The following KYAT3 variants were observed in gnomAD, a reference collection of about 807,000 sequenced individuals.
KYAT3 encodes the protein kynurenine--oxoglutarate transaminase 3.
KYAT3 carries 50 observed loss-of-function variants against 59.0 expected under a neutral mutation model. The observed-to-expected ratio is 0.85, with a 90% CI of 0.68 to 1.07. The LOEUF (loss-of-function observed/expected upper bound fraction) is 1.07, where lower values mean the gene tolerates loss of function less well. Among genes scored for constraint, KYAT3 ranks in the 50% least tolerant of loss-of-function variants. The probability of loss-of-function intolerance (pLI) is 0.00; values close to 1 mark genes in which losing one functional copy is unlikely to be tolerated. For missense variants in KYAT3, 497 were observed against 533.3 expected (o/e 0.93, Z 0.67); for synonymous variants, 148 against 177.0 (o/e 0.84, Z 1.30).
At chr1:88,991,775 C>T (rs1293367788) in intron 1 of KYAT3, among the ~76,000 whole-genome samples, 1 of 152,238 alleles carries the variant, frequency 6.6e-6, no homozygotes, top group African/African-American at 2.4e-5. Flanking sequence ...TCGGTTTTGG[C>T]TCCCGAAGTC....
chr1:88,925,971 C>T, the KYAT3 span, among the ~76,000 whole-genome samples: 11 of 152,236 alleles, frequency 7.2e-5, no homozygotes, highest in Admixed American at 3.9e-4. Context: ...CTGAGGCCAC[C>T]GACAACCAGT....
intron 5 of KYAT3, among the ~76,000 whole-genome samples, chr1:88,963,016 C>G (rs1341388684): frequency 6.7e-6 from 1 of 148,302 alleles, no homozygotes; most frequent in African/African-American, 2.5e-5. Context: ...ATATTTATTG[C>G]GTCCTCACTA....
At position 88,945,614 on chromosome 1, in the gene KYAT3, T is replaced by C. The variant is rs183841681; in HGVS notation, c.1142-2191A>G. On this transcript the variant is annotated intron_variant, in intron 11 of 13. Coordinates refer to ENST00000260508, the MANE Select transcript of KYAT3 (RefSeq NM_001008661.3). ...AAAGCTCCTAATGTAATTCATACTG[T>C]ATCATAAATTCTCAATAAATATTAA... Among the ~76,000 whole-genome samples the C allele has an allele frequency of 1.4e-4, 22 of 152,356 alleles. No homozygotes were observed. The East Asian group carries it at 4.0e-3, about 28-fold the overall frequency.
chr1:88,923,961 C>G, the KYAT3 span: 1 of 162,880 alleles, frequency 6.1e-6, no homozygotes, highest in South Asian at 1.7e-4. Flanking sequence ...TTAATTTTCT[C>G]TTATGGCAGA....
intron 12 of KYAT3, 86 bp from the exon 13 acceptor site, chr1:88,943,177 G>T: frequency 8.8e-7 from 1 of 1,140,362 alleles, no homozygotes; most frequent in Non-Finnish European, 1.3e-6. Flanking sequence ...GAGGCAACTA[G>T]ATACTTTTAA....
chr1:88,931,326 G>C (rs973831345), downstream of KYAT3, among the ~76,000 whole-genome samples: 1 of 152,088 alleles, frequency 6.6e-6, no homozygotes, highest in Non-Finnish European at 1.5e-5. Context: ...TTCCAGAATC[G>C]AAGCTGTAAA....
chr1:88,943,515 T>C, intron 11 of KYAT3, 92 bp from the exon 12 acceptor site: 1 of 725,318 alleles, frequency 1.4e-6, no homozygotes, highest in Non-Finnish European at 2.4e-6. Context: ...CATTTTCTCC[T>C]ATTTAAATTA....
intron 10 of KYAT3, among the ~76,000 whole-genome samples, chr1:88,951,391 T>C (rs1296236592): frequency 1.3e-5 from 2 of 151,892 alleles, no homozygotes; most frequent in African/African-American, 4.8e-5. Context: ...CCTGCCACCA[T>C]GCCCAGCTAA....
intron 8 of KYAT3, among the ~76,000 whole-genome samples, chr1:88,960,854 A>G (rs1450453305): frequency 3.3e-5 from 5 of 152,244 alleles, no homozygotes; most frequent in African/African-American, 1.2e-4. Flanking sequence ...TTCAGGCACA[A>G]GAAAGCTCCC....
downstream of KYAT3, among the ~76,000 whole-genome samples, chr1:88,933,267 G>A (rs1219031903): frequency 3.3e-5 from 5 of 152,138 alleles, no homozygotes; most frequent in Non-Finnish European, 7.3e-5. Context: ...AAAGCCTAGA[G>A]GACAGGAATC....
At chr1:88,990,504 C>A (rs1677725436) in intron 1 of KYAT3, among the ~76,000 whole-genome samples, 1 of 152,202 alleles carries the variant, frequency 6.6e-6, no homozygotes, top group Non-Finnish European at 1.5e-5. Context: ...GAGCTCTCTG[C>A]AGCTTTAGAT....
intron 2 of KYAT3, chr1:88,982,264 A>G: frequency 1.5e-6 from 1 of 652,460 alleles, no homozygotes. Flanking sequence ...GCTTGTTTGT[A>G]TAGGCAGAAT....
chr1:88,983,917 T>C lies in KYAT3; in HGVS notation c.99+4335A>G. 2.0e-6 allele frequency: 3 copies of C among 1,482,990 alleles called. No individual in the cohort carries two copies. The South Asian group carries it at 3.4e-5, about 17-fold the overall frequency. 91.9% of individuals were successfully genotyped at this position (1,482,990 alleles called of 1,614,324 possible). A position where few individuals can be genotyped will look rare whatever the true frequency, so the allele number is the denominator to read the frequency against. Reference sequence around the variant, plus strand: ...GGGCTTCCTAGCAGCTCAGCACCAGTGGCGGCTGTCAGTTAGGAGGACTGA... The same window carrying C: ...GGGCTTCCTAGCAGCTCAGCACCAGCGGCGGCTGTCAGTTAGGAGGACTGA... On this transcript the variant is annotated intron_variant, in intron 2 of 13. Transcript: ENST00000260508.
chr1:88,933,910 C>T (rs1226187249), downstream of KYAT3, among the ~76,000 whole-genome samples: 1 of 152,120 alleles, frequency 6.6e-6, no homozygotes, highest in Non-Finnish European at 1.5e-5. Flanking sequence ...CTACTGCCAC[C>T]CCTAACCTGT....
At chr1:88,958,320 T>G (rs539685078) in intron 8 of KYAT3, among the ~76,000 whole-genome samples, 1 of 152,068 alleles carries the variant, frequency 6.6e-6, no homozygotes, top group Non-Finnish European at 1.5e-5. Flanking sequence ...CTTCAAATGC[T>G]ATACTCTATA....
At chr1:88,939,130 C>T (rs1018997644) in intron 13 of KYAT3, among the ~76,000 whole-genome samples, 10 of 152,078 alleles carry the variant, frequency 6.6e-5, no homozygotes, top group Non-Finnish European at 1.5e-4. Flanking sequence ...AATTTCTTTG[C>T]AGTTCTATTT....
At chr1:88,980,492 G>C (rs1677031034) in intron 2 of KYAT3, 1 of 151,824 alleles carries the variant, frequency 6.6e-6, no homozygotes, top group Non-Finnish European at 1.5e-5. Context: ...AAAGTGAAAA[G>C]TGATCTATAA....
chr1:88,980,104 A>C (rs535320003), intron 2 of KYAT3: 34 of 152,338 alleles, frequency 2.2e-4, no homozygotes, highest in Non-Finnish European at 3.5e-4. Context: ...AAAATACTAA[A>C]CACCACCACA....
chr1:88,990,311 C>T (rs1557712276), intron 1 of KYAT3, among the ~76,000 whole-genome samples: 1 of 114,388 alleles, frequency 8.7e-6, no homozygotes, highest in African/African-American at 5.9e-5. Context: ...AAATAAAACT[C>T]TTGACTGTAC....
Sources: gnomAD v4.1 joint callset for allele counts (sites outside exome capture counted in the v4.1 genomes callset) on GRCh38, gnomAD v4.1.1 for gene constraint, MANE v1.5 for transcripts, NCBI Gene and HGNC (gene_info 2026-07-23, HGNC 2026-07-21) for gene names.